CLEC18B: variants seen among roughly 807,000 people sequenced by gnomAD.
CLEC18B encodes the protein C-type lectin domain family 18 member B.
A neutral mutation model predicts 60.4 loss-of-function variants in CLEC18B; 5 were observed. The observed-to-expected ratio is 0.08, with a 90% CI of 0.04 to 0.17. CLEC18B has a LOEUF of 0.17. CLEC18B is among the 10% of genes least tolerant of loss of function. CLEC18B has a pLI of 1.00. For synonymous variants in CLEC18B, 16 were observed against 221.2 expected, an observed-to-expected ratio of 0.07 and a Z score of 8.23; for missense variants, 26 against 572.8, an observed-to-expected ratio of 0.05 and a Z score of 9.74.
intron 8 of CLEC18B, 116 bp from the exon 9 acceptor site, chr16:74,411,150 AC>A: frequency 7.5e-7 from 1 of 1,336,344 alleles, no homozygotes. Context: ...GGCTATCATC[AC>A]CCCCAGCCCG....
intron 10 of CLEC18B, 38 bp from the exon 11 acceptor site, chr16:74,409,679 A>T (rs762415380): frequency 8.6e-5 from 138 of 1,613,952 alleles, no homozygotes; most frequent in Non-Finnish European, 1.1e-4. Flanking sequence ...GGCAAGAGTG[A>T]AGTCAGGGAT....
intron 3 of CLEC18B, among the ~76,000 whole-genome samples, chr16:74,416,988 G>A (rs2013442740): frequency 6.6e-6 from 1 of 152,058 alleles, no homozygotes; most frequent in African/African-American, 2.4e-5. Context: ...TTGAGGCTGG[G>A]TGCGGTGTCT....
upstream of CLEC18B, among the ~76,000 whole-genome samples, chr16:74,422,706 G>A (rs2013730358): frequency 6.6e-6 from 1 of 151,472 alleles, no homozygotes; most frequent in South Asian, 2.1e-4. Flanking sequence ...GTTTCATTCT[G>A]CCACTCAGGT....
intron 2 of CLEC18B, among the ~76,000 whole-genome samples, chr16:74,419,084 C>T (rs535702544): frequency 2.2e-4 from 34 of 152,352 alleles, no homozygotes; most frequent in African/African-American, 7.9e-4. Flanking sequence ...TGTGAGCCAC[C>T]GTGCCCAGCC....
intron 2 of CLEC18B, among the ~76,000 whole-genome samples, chr16:74,418,728 G>GGCACC (rs1455683492): frequency 6.6e-6 from 1 of 152,228 alleles, no homozygotes; most frequent in African/African-American, 2.4e-5. Flanking sequence ...CTCTGCCCTA[G>GGCACC]TCTCCTGCCC....
chr16:74,418,748 T>C (rs369393309), intron 2 of CLEC18B, among the ~76,000 whole-genome samples: 68 of 152,154 alleles, frequency 4.5e-4, no homozygotes, highest in East Asian at 1.5e-3. Context: ...CCCAGGAGCC[T>C]GGCCTCATAT....
At chr16:74,421,671 C>T (rs1303104590), upstream of CLEC18B, 33 of 403,556 alleles carry the variant, frequency 8.2e-5, no homozygotes, top group African/African-American at 5.4e-4. Flanking sequence ...GACCGATGGC[C>T]GTGTCCTGGC....
At chr16:74,422,005 C>A (rs2013707420), upstream of CLEC18B, 1 of 145,446 alleles carries the variant, frequency 6.9e-6, no homozygotes, top group Admixed American at 7.0e-5. Context: ...ACCACCCTCA[C>A]CCACGTGACT....
chr16:74,415,972 G>A (rs1420217669), intron 3 of CLEC18B, among the ~76,000 whole-genome samples: 1 of 151,822 alleles, frequency 6.6e-6, no homozygotes, highest in African/African-American at 2.4e-5. Flanking sequence ...AAAACTTAAG[G>A]AGCCAAGGCT....
intron 3 of CLEC18B, among the ~76,000 whole-genome samples, chr16:74,414,269 G>GACTGGA (rs1311872376): frequency 1.6e-4 from 24 of 152,278 alleles, no homozygotes; most frequent in African/African-American, 5.8e-4. Flanking sequence ...GCCAAAAAAA[G>GACTGGA]ACTGGAACGT....
intron 2 of CLEC18B, among the ~76,000 whole-genome samples, chr16:74,419,418 G>GC (rs1409304235): frequency 6.6e-6 from 1 of 150,912 alleles, no homozygotes; most frequent in Non-Finnish European, 1.5e-5. Context: ...AAGAAGGGGT[G>GC]CCCTGGAGCC....
At chr16:74,419,846 G>C (rs2013597315) in intron 2 of CLEC18B, among the ~76,000 whole-genome samples, 1 of 151,444 alleles carries the variant, frequency 6.6e-6, no homozygotes, top group African/African-American at 2.4e-5. Flanking sequence ...CCCTGCCCTG[G>C]CTCCCTGGCC....
chr16:74,410,075 G>A (rs2013060011), intron 10 of CLEC18B, among the ~76,000 whole-genome samples: 1 of 152,252 alleles, frequency 6.6e-6, no homozygotes, highest in African/African-American at 2.4e-5. Context: ...GCATTGCTGG[G>A]CTTTGAAGAG....
intron 3 of CLEC18B, among the ~76,000 whole-genome samples, chr16:74,417,173 G>A (rs1240416945): frequency 6.7e-6 from 1 of 148,212 alleles, no homozygotes; most frequent in Non-Finnish European, 1.5e-5. Context: ...GCTGAGGCAG[G>A]ACAGTCACCT....
Position 74,418,665 on chromosome 16 carries a change from C to T in CLEC18B, c.217-367G>A, listed in dbSNP as rs1360693465. ...CCATTGTCAGAAAGGCTCCACTGCT[C>T]CCACCCGGCCATGCTGCCCTCCTGT... On this transcript the variant is annotated intron_variant, in intron 2 of 11. Transcript: ENST00000682950. 3.9e-5 allele frequency among the ~76,000 whole-genome samples: 6 copies of T among 152,146 alleles called. No homozygotes were observed. The East Asian group carries it at 9.7e-4, about 24-fold the overall frequency.
chr16:74,417,191 G>T (rs1407390553), intron 3 of CLEC18B, among the ~76,000 whole-genome samples: 1 of 148,252 alleles, frequency 6.7e-6, no homozygotes, highest in Non-Finnish European at 1.5e-5. Flanking sequence ...CCTGAATCTG[G>T]GAGGCAGAGG....
chr16:74,421,647 T>G (rs1170076618), upstream of CLEC18B: 2 of 493,556 alleles, frequency 4.1e-6, no homozygotes, highest in East Asian at 1.1e-4. Flanking sequence ...GACATTCCGG[T>G]GCTGCAGATT....
chr16:74,413,709 T>A (rs372287058), intron 3 of CLEC18B, 33 bp from the exon 4 acceptor site: 2 of 1,613,384 alleles, frequency 1.2e-6, no homozygotes, highest in African/African-American at 2.7e-5. Flanking sequence ...GAAACCCTAT[T>A]GTGAACCACC....
chr16:74,411,797 TTG>T, intron 7 of CLEC18B, 22 bp from the exon 8 acceptor site: 3 of 1,340,658 alleles, frequency 2.2e-6, no homozygotes, highest in Admixed American at 1.7e-5. Flanking sequence ...GAGCCTGAGT[TTG>T]TGTGTGGACT....
Sources: gnomAD v4.1 joint callset for allele counts (sites outside exome capture counted in the v4.1 genomes callset) on GRCh38, gnomAD v4.1.1 for gene constraint, MANE v1.5 for transcripts, NCBI Gene and HGNC (gene_info 2026-07-23, HGNC 2026-07-21) for gene names.